Variants in ZNF804B observed in about 807,000 individuals in gnomAD.
The protein encoded by ZNF804B is zinc finger 804B.
In ZNF804B, 80 loss-of-function variants were observed where a neutral mutation model predicts 101.4. That is an observed-to-expected ratio of 0.79 (90% CI 0.66 to 0.95). The LOEUF (loss-of-function observed/expected upper bound fraction) is 0.95, where lower values mean the gene tolerates loss of function less well. ZNF804B is among the 40% of genes least tolerant of loss of function. The pLI, the probability that ZNF804B is intolerant of heterozygous loss-of-function variation, is 0.00. For missense variants in ZNF804B, 1,673 were observed against 1,561.9 expected (o/e 1.07, Z -1.20); for synonymous variants, 622 against 558.8 (o/e 1.11, Z -1.59).
At chr7:89,146,954 T>G (rs996231115) in intron 1 of ZNF804B, among the ~76,000 whole-genome samples, 2 of 151,514 alleles carry the variant, frequency 1.3e-5, no homozygotes, top group Non-Finnish European at 2.9e-5. Flanking sequence ...CACTTAAGCC[T>G]GGGAAGTGCG....
At chr7:89,248,391 C>G (rs1584081661) in intron 2 of ZNF804B, among the ~76,000 whole-genome samples, 2 of 149,176 alleles carry the variant, frequency 1.3e-5, no homozygotes, top group South Asian at 4.2e-4. Flanking sequence ...GGAACACTAT[C>G]AGGCTAACAG....
At chr7:89,033,900 C>A (rs993879323) in intron 1 of ZNF804B, among the ~76,000 whole-genome samples, 1 of 151,958 alleles carries the variant, frequency 6.6e-6, no homozygotes, top group African/African-American at 2.4e-5. Context: ...GATTAAAGAA[C>A]TATGATCATT....
intron 2 of ZNF804B, among the ~76,000 whole-genome samples, chr7:89,289,853 A>T (rs1418291312): frequency 6.6e-6 from 1 of 152,210 alleles, no homozygotes; most frequent in Non-Finnish European, 1.5e-5. Context: ...CTTGGGGGAC[A>T]TATGACCTAC....
intron 1 of ZNF804B, among the ~76,000 whole-genome samples, chr7:88,812,936 C>A: frequency 6.6e-6 from 1 of 150,562 alleles, no homozygotes; most frequent in African/African-American, 2.4e-5. Flanking sequence ...ATGGATATAA[C>A]ATTTCTATTT....
At chr7:88,967,888 A>G (rs924360632) in intron 1 of ZNF804B, among the ~76,000 whole-genome samples, 1 of 151,524 alleles carries the variant, frequency 6.6e-6, no homozygotes, top group East Asian at 2.0e-4. Context: ...ATTAGAGTTA[A>G]TGGAAATATT....
chr7:88,822,104 A>C (rs1006674343), intron 1 of ZNF804B, among the ~76,000 whole-genome samples: 1 of 152,174 alleles, frequency 6.6e-6, no homozygotes, highest in South Asian at 2.1e-4. Flanking sequence ...AAGACCAACT[A>C]ATTATACTTA....
At chr7:89,209,792 GT>G (rs1308015077) in intron 1 of ZNF804B, among the ~76,000 whole-genome samples, 2 of 152,106 alleles carry the variant, frequency 1.3e-5, no homozygotes, top group Non-Finnish European at 2.9e-5. Flanking sequence ...TAGTTACTGA[GT>G]TTTTCTAAGT....
chr7:89,046,044 T>G (rs1789100047), intron 1 of ZNF804B, among the ~76,000 whole-genome samples: 1 of 152,116 alleles, frequency 6.6e-6, no homozygotes, highest in African/African-American at 2.4e-5. Context: ...AATTGAATCA[T>G]GGAGACGTTA....
At chr7:89,177,827 C>T (rs781573608) in intron 1 of ZNF804B, among the ~76,000 whole-genome samples, 26 of 151,624 alleles carry the variant, frequency 1.7e-4, no homozygotes, top group Middle Eastern at 3.4e-3. Context: ...CCAAGGCGGG[C>T]GGATCACGAG....
chr7:88,949,733 A>G (rs936148739), intron 1 of ZNF804B, among the ~76,000 whole-genome samples: 2 of 152,046 alleles, frequency 1.3e-5, no homozygotes, highest in South Asian at 2.1e-4. Context: ...CATCAACCAC[A>G]TATATGAAAA....
intron 1 of ZNF804B, among the ~76,000 whole-genome samples, chr7:88,835,460 A>G (rs1273825114): frequency 6.6e-6 from 1 of 151,918 alleles, no homozygotes; most frequent in African/African-American, 2.4e-5. Flanking sequence ...GTGTTTTTAA[A>G]TATATCAAAC....
chr7:88,937,888 A>C (rs1792996876), intron 1 of ZNF804B, among the ~76,000 whole-genome samples: 1 of 152,078 alleles, frequency 6.6e-6, no homozygotes, highest in African/African-American at 2.4e-5. Context: ...GTATGTAGAC[A>C]AAAAGAATTG....
At chr7:89,035,262 T>C (rs1457965225) in intron 1 of ZNF804B, among the ~76,000 whole-genome samples, 1 of 152,130 alleles carries the variant, frequency 6.6e-6, no homozygotes, top group East Asian at 1.9e-4. Flanking sequence ...ATGTTATGTA[T>C]GTAGGAAAAT....
At chr7:88,902,820 A>C (rs1479651464) in intron 1 of ZNF804B, among the ~76,000 whole-genome samples, 1 of 152,134 alleles carries the variant, frequency 6.6e-6, no homozygotes, top group Non-Finnish European at 1.5e-5. Flanking sequence ...TTCAGTAAAA[A>C]TAAGAAACAA....
intron 2 of ZNF804B, among the ~76,000 whole-genome samples, chr7:89,304,986 A>G (rs1790538219): frequency 6.6e-6 from 1 of 152,068 alleles, no homozygotes; most frequent in Admixed American, 6.6e-5. Context: ...ACGGACTTGC[A>G]TTAGAGACAG....
At chr7:88,897,369 G>T (rs1376304749) in intron 1 of ZNF804B, among the ~76,000 whole-genome samples, 1 of 152,170 alleles carries the variant, frequency 6.6e-6, no homozygotes, top group African/African-American at 2.4e-5. Context: ...CATGGAAGGG[G>T]CTCAAATGCA....
intron 1 of ZNF804B, among the ~76,000 whole-genome samples, chr7:89,184,173 A>T (rs1788340881): frequency 6.6e-6 from 1 of 152,162 alleles, no homozygotes; most frequent in Non-Finnish European, 1.5e-5. Flanking sequence ...GTGGAGTACT[A>T]TGGACAAACT....
intron 1 of ZNF804B, among the ~76,000 whole-genome samples, chr7:89,169,602 C>T (rs887977428): frequency 6.6e-6 from 1 of 152,150 alleles, no homozygotes; most frequent in South Asian, 2.1e-4. Context: ...TAGATTTATA[C>T]TATTTCTTCA....
At chr7:89,200,824 C>A (rs1788621269) in intron 1 of ZNF804B, among the ~76,000 whole-genome samples, 1 of 151,908 alleles carries the variant, frequency 6.6e-6, no homozygotes. Flanking sequence ...ACCCTTTGGT[C>A]ACAAGGGAAA....
Sources: gnomAD v4.1 joint callset for allele counts (sites outside exome capture counted in the v4.1 genomes callset) on GRCh38, gnomAD v4.1.1 for gene constraint, MANE v1.5 for transcripts, NCBI Gene and HGNC (gene_info 2026-07-23, HGNC 2026-07-21) for gene names.